Variants in DHRS9 observed in about 807,000 individuals in gnomAD.
DHRS9 encodes dehydrogenase/reductase 9.
DHRS9 carries 18 observed loss-of-function variants against 26.6 expected under a neutral mutation model. The observed-to-expected ratio is 0.68, with a 90% confidence interval of 0.47 to 1.00. DHRS9 has a LOEUF of 1.00. Ranked by LOEUF, DHRS9 falls within the 50% of genes least tolerant of loss-of-function variation. The pLI, the probability that DHRS9 is intolerant of heterozygous loss-of-function variation, is 0.00. For missense variants in DHRS9, 425 were observed against 378.7 expected (o/e 1.12, Z -1.01); for synonymous variants, 134 against 141.1 (o/e 0.95, Z 0.36).
chr2:169,077,972 T>C (rs1684013986), intron 1 of DHRS9, among the ~76,000 whole-genome samples: 2 of 152,218 alleles, frequency 1.3e-5, no homozygotes, highest in Admixed American at 6.5e-5. Context: ...TATCCCTGCC[T>C]CTCAGCAATC....
chr2:169,083,026 A>T (rs542550169), intron 2 of DHRS9, among the ~76,000 whole-genome samples: 54 of 152,348 alleles, frequency 3.5e-4, no homozygotes, highest in African/African-American at 1.1e-3. Context: ...AACTTAAAGT[A>T]TAATAAGAAA....
chr2:169,095,564 A>C lies in DHRS9; in HGVS notation c.757A>C (p.Asn253His). The C allele has an allele frequency of 6.2e-7, 1 of 1,613,864 alleles. No individual in the cohort carries two copies. Among genetic ancestry groups the C allele is most frequent in the Non-Finnish European group, 8.5e-7 (1 of 1,179,822 alleles). Residue 253 changes from asparagine to histidine, a missense_variant, in exon 5 of 5, where the codon AAT becomes CAT. Coordinates refer to ENST00000674881, the MANE Select transcript of DHRS9 (RefSeq NM_001376924.1). ...TTTAGGTCTAGACAAACTGAAAGGC[A>C]ATAAATCCTATGTGAACATGGACCT... ...IEKSLDKLKG[N>H]KSYVNMDLSP...
chr2:169,078,099 T>G (rs775764419), intron 1 of DHRS9, among the ~76,000 whole-genome samples: 3 of 152,140 alleles, frequency 2.0e-5, no homozygotes, highest in African/African-American at 7.2e-5. Context: ...TCTCCTATAG[T>G]GGAAGGACAC....
intron 1 of DHRS9, among the ~76,000 whole-genome samples, chr2:169,076,744 T>C (rs912023035): frequency 1.3e-5 from 2 of 152,230 alleles, no homozygotes; most frequent in African/African-American, 4.8e-5. Flanking sequence ...CGAAAATTCA[T>C]GTATAACTTT....
chr2:169,071,413 G>A (rs188600207), intron 1 of DHRS9, among the ~76,000 whole-genome samples: 96 of 152,298 alleles, frequency 6.3e-4, no homozygotes, highest in African/African-American at 2.0e-3. Flanking sequence ...TAATTTAAAC[G>A]TTTTGAAGGA....
At chr2:169,085,868 T>A (rs1461487797) in intron 3 of DHRS9, among the ~76,000 whole-genome samples, 1 of 152,210 alleles carries the variant, frequency 6.6e-6, no homozygotes, top group Non-Finnish European at 1.5e-5. Context: ...CTCCATTGTA[T>A]GTTATTTGTT....
chr2:169,089,061 C>T (rs137873252), intron 3 of DHRS9, among the ~76,000 whole-genome samples: 1 of 152,210 alleles, frequency 6.6e-6, no homozygotes, highest in African/African-American at 2.4e-5. Flanking sequence ...TTCTTTCAGT[C>T]AAGATTCTGG....
rs139036208 is a variant in DHRS9 at position 169,075,997 on chromosome 2, C to T, written c.-59-5526C>T. On this transcript the variant is annotated intron_variant, in intron 1 of 4. Coordinates refer to ENST00000674881, the MANE Select transcript of DHRS9 (RefSeq NM_001376924.1). ...AGATTCTATAATGACTGTCTGTCAT[C>T]GGAATTTGACCCACTAGTTTTAGCA... Among the ~76,000 whole-genome samples the T allele has an allele frequency of 1.2e-3, 179 of 152,254 alleles. 1 individual carries two copies. In the East Asian group the frequency reaches 0.016, roughly 14 times the overall value.
intron 1 of DHRS9, among the ~76,000 whole-genome samples, chr2:169,077,457 CAT>C (rs1168649566): frequency 6.6e-6 from 1 of 152,158 alleles, no homozygotes; most frequent in Non-Finnish European, 1.5e-5. Context: ...CAGCATTAAT[CAT>C]ATTTTGAGAT....
chr2:169,092,755 G>A (rs1216133183), intron 4 of DHRS9, among the ~76,000 whole-genome samples: 1 of 152,080 alleles, frequency 6.6e-6, no homozygotes, highest in East Asian at 1.9e-4. Context: ...AGAGATGGGA[G>A]AATAATAATA....
At position 169,083,569 on chromosome 2, in the gene DHRS9, G is replaced by T. The variant is rs201362566; in HGVS notation, c.554G>T (p.Gly185Val). The T allele has an allele frequency of 3.7e-6, 6 of 1,613,948 alleles. No individual in the cohort carries two copies. In the Admixed American group the frequency reaches 5.0e-5, roughly 13 times the overall value. Reference sequence around the variant, plus strand: ...ACTCCATCCAAATATGCAGTGGAAGGTTTCAATGACAGCTTAAGGTAAATC... The same window carrying T: ...ACTCCATCCAAATATGCAGTGGAAGTTTTCAATGACAGCTTAAGGTAAATC... ...GYTPSKYAVEGFNDSLRRDMK... is the reference protein window; with the variant it reads ...GYTPSKYAVEVFNDSLRRDMK... The change falls in exon 3 of 5, where the codon GGT becomes GTT. Residue 185 changes from glycine to valine, a missense_variant. Coordinates refer to ENST00000674881, the MANE Select transcript of DHRS9 (RefSeq NM_001376924.1).
At position 169,081,713 on chromosome 2, in the gene DHRS9, G is replaced by A; in HGVS notation, c.132G>A (p.Leu44=). The change falls in exon 2 of 5, where the codon TTG becomes TTA. Residue 44 remains leucine (L), a synonymous_variant. Transcript: ENST00000674881. Reference sequence around the variant, plus strand: ...GATGTGACTCGGGCTTTGGAAACTTGGCAGCCAGAACTTTTGATAAAAAGG... The same window carrying A: ...GATGTGACTCGGGCTTTGGAAACTTAGCAGCCAGAACTTTTGATAAAAAGG... ...ITGCDSGFGN[L]AARTFDKKGF... 1 of 1,614,122 alleles carries A rather than the reference G, an allele frequency of 6.2e-7. No individual in the cohort carries two copies. Among genetic ancestry groups the A allele is most frequent in the Non-Finnish European group, 8.5e-7 (1 of 1,180,008 alleles).
chr2:169,095,637 C>T lies in DHRS9; in HGVS notation c.830C>T (p.Pro277Leu). The change falls in exon 5 of 5, where the codon CCT (proline) becomes CTT (leucine). Residue 277 changes from proline to leucine, a missense_variant. Transcript: ENST00000674881. Reference protein sequence around the residue: ...CMDHALTSLFPKTHYAAGKDA... With the variant: ...CMDHALTSLFLKTHYAAGKDA... ...GACCACGCTCTAACAAGTCTCTTCC[C>T]TAAGACTCATTATGCCGCTGGAAAA... 6.2e-7 allele frequency: 1 copy of T among 1,613,976 alleles called. No homozygotes were observed. Among genetic ancestry groups the T allele is most frequent in the African/African-American group, 1.3e-5 (1 of 75,020 alleles).
rs1425072582 is a variant in DHRS9 at position 169,095,597 on chromosome 2, G to A, written c.790G>A (p.Val264Met). Residue 264 changes from valine (V) to methionine (M), a missense_variant, in exon 5 of 5, where the codon GTG becomes ATG. Transcript: ENST00000674881. ...CTATGTGAACATGGACCTCTCTCCG[G>A]TGGTAGAGTGCATGGACCACGCTCT... ...KSYVNMDLSP[V>M]VECMDHALTS... 1 of 1,613,922 alleles carries A rather than the reference G, an allele frequency of 6.2e-7. No homozygotes were observed. The highest frequency in any genetic ancestry group is 1.1e-5 in the South Asian group (1 of 91,070).
At chr2:169,086,030 T>C (rs1684338347) in intron 3 of DHRS9, among the ~76,000 whole-genome samples, 1 of 152,188 alleles carries the variant, frequency 6.6e-6, no homozygotes. Flanking sequence ...GATATTGGTG[T>C]CTTCCTCTAG....
At chr2:169,087,897 C>T (rs1406787232) in intron 3 of DHRS9, among the ~76,000 whole-genome samples, 1 of 152,094 alleles carries the variant, frequency 6.6e-6, no homozygotes, top group Non-Finnish European at 1.5e-5. Context: ...CTCCCCTTAC[C>T]TCTCCTCAAG....
intron 3 of DHRS9, among the ~76,000 whole-genome samples, chr2:169,085,490 T>A (rs1684323184): frequency 6.6e-6 from 1 of 152,182 alleles, no homozygotes; most frequent in African/African-American, 2.4e-5. Flanking sequence ...ACTTTTTGTA[T>A]CCTCTTCAAT....
chr2:169,070,763 G>A (rs1558948360), intron 1 of DHRS9: 1 of 985,428 alleles, frequency 1.0e-6, no homozygotes, highest in Non-Finnish European at 1.2e-6. Context: ...TTAAGGGACA[G>A]TGTTTAAAAA....
intron 3 of DHRS9, among the ~76,000 whole-genome samples, chr2:169,085,172 C>T (rs138673076): frequency 5.9e-5 from 9 of 152,260 alleles, no homozygotes; most frequent in Non-Finnish European, 1.2e-4. Flanking sequence ...TCTGGGTTCT[C>T]TGTCCTGTTC....
Sources: allele counts gnomAD v4.1 joint callset (sites outside exome capture counted in the v4.1 genomes callset), GRCh38; gene constraint gnomAD v4.1.1; transcripts MANE v1.5; gene names NCBI Gene and HGNC (gene_info 2026-07-23, HGNC 2026-07-21).